SLCO2A1: variants seen among roughly 807,000 people sequenced by gnomAD.
SLCO2A1 encodes the protein matrin F/G 1.
SLCO2A1 carries 60 observed loss-of-function variants against 71.7 expected under a neutral mutation model. That is an observed-to-expected ratio of 0.84 (90% CI 0.68 to 1.04). The LOEUF (loss-of-function observed/expected upper bound fraction) is 1.04. Ranked by LOEUF, SLCO2A1 falls within the 50% of genes least tolerant of loss-of-function variation. SLCO2A1 has a pLI of 0.00. For synonymous variants in SLCO2A1, 308 were observed against 326.7 expected (o/e 0.94, Z 0.62); for missense variants, 745 against 813.4 (o/e 0.92, Z 1.02).
rs142480645 is a variant in SLCO2A1 at position 133,948,929 on chromosome 3, C to G, written c.904G>C (p.Ala302Pro). Residue 302 changes from alanine (A) to proline (P), a missense_variant, in exon 7 of 14, where the codon GCC becomes CCC. Ala to Pro is a conservative substitution (Grantham distance 27). Coordinates refer to ENST00000310926, the MANE Select transcript of SLCO2A1 (RefSeq NM_005630.3). ...TADEARKLEE[A>P]KSRGSLVDFI... is the part of the protein sequence containing the mutation. ...TCCACCAGGGAGCCTCTTGACTTGG[C>G]CTCCTCCAACTTCCTTGCTTCATCT... 2.3e-4 allele frequency: 371 copies of G among 1,614,168 alleles called. No homozygotes were observed. Among genetic ancestry groups the G allele is most frequent in the Middle Eastern group, 1.6e-3 (10 of 6,062 alleles).
At chr3:133,989,756 A>G (rs921910032) in intron 1 of SLCO2A1, among the ~76,000 whole-genome samples, 4 of 152,194 alleles carry the variant, frequency 2.6e-5, no homozygotes, top group Non-Finnish European at 4.4e-5. Flanking sequence ...ACATCCACAC[A>G]TCTCAAAATA....
intron 1 of SLCO2A1, among the ~76,000 whole-genome samples, chr3:134,005,748 T>C (rs1463141901): frequency 6.6e-6 from 1 of 152,188 alleles, no homozygotes; most frequent in Non-Finnish European, 1.5e-5. Flanking sequence ...CCCAAAGTGC[T>C]AGGATTACAG....
chr3:134,001,371 A>G (rs1935100489), intron 1 of SLCO2A1, among the ~76,000 whole-genome samples: 1 of 152,124 alleles, frequency 6.6e-6, no homozygotes, highest in South Asian at 2.1e-4. Context: ...TCAGCCTCCC[A>G]AAGTGCTGGG....
intron 3 of SLCO2A1, among the ~76,000 whole-genome samples, chr3:133,957,106 C>A (rs1055719528): frequency 6.6e-6 from 1 of 152,244 alleles, no homozygotes; most frequent in African/African-American, 2.4e-5. Flanking sequence ...AGGCTCTAGG[C>A]CTGCAACAGT....
At chr3:134,016,439 A>C (rs1935457457) in intron 1 of SLCO2A1, among the ~76,000 whole-genome samples, 1 of 152,210 alleles carries the variant, frequency 6.6e-6, no homozygotes, top group Non-Finnish European at 1.5e-5. Flanking sequence ...AAGATGTTCA[A>C]TATTACGAGC....
intron 1 of SLCO2A1, among the ~76,000 whole-genome samples, chr3:134,011,669 C>T (rs80300992): frequency 6.6e-6 from 1 of 152,194 alleles, no homozygotes; most frequent in Non-Finnish European, 1.5e-5. Context: ...GACCCGTTCC[C>T]ACTAGCACTG....
At chr3:133,979,082 C>T (rs1934524409) in intron 2 of SLCO2A1, among the ~76,000 whole-genome samples, 1 of 152,202 alleles carries the variant, frequency 6.6e-6, no homozygotes, top group African/African-American at 2.4e-5. Context: ...GCAGGGGCCC[C>T]ACAGGCTGGC....
chr3:133,995,554 C>T (rs1477017282), intron 1 of SLCO2A1, among the ~76,000 whole-genome samples: 2 of 152,324 alleles, frequency 1.3e-5, no homozygotes, highest in Non-Finnish European at 2.9e-5. Flanking sequence ...ATCCATCTTC[C>T]TGGTAGTAAA....
intron 1 of SLCO2A1, among the ~76,000 whole-genome samples, chr3:133,989,959 C>T (rs1188068444): frequency 6.6e-6 from 1 of 151,930 alleles, no homozygotes; most frequent in Non-Finnish European, 1.5e-5. Flanking sequence ...GGGCTTCCCT[C>T]CTGGGCACAA....
At chr3:134,003,896 A>G (rs1261327348) in intron 1 of SLCO2A1, among the ~76,000 whole-genome samples, 1 of 152,182 alleles carries the variant, frequency 6.6e-6, no homozygotes, top group African/African-American at 2.4e-5. Flanking sequence ...AGGCCTTTAA[A>G]GCAGAGGTTG....
intron 3 of SLCO2A1, among the ~76,000 whole-genome samples, chr3:133,967,933 C>G (rs1355151333): frequency 4.7e-5 from 5 of 107,526 alleles, no homozygotes; most frequent in Non-Finnish European, 7.8e-5. Flanking sequence ...CCATACCCCC[C>G]ACACATGTGA....
At chr3:133,944,985 G>GTA in intron 10 of SLCO2A1, 110 bp downstream of exon 10, 2 of 1,261,812 alleles carry the variant, frequency 1.6e-6, no homozygotes, top group East Asian at 4.7e-5. Context: ...TAATGAGTGT[G>GTA]TGTGTGGAGC....
rs750273545 is a variant in SLCO2A1, at chr3:133,979,542, G to A, written c.173C>T (p.Thr58Ile). The A allele has an allele frequency of 3.1e-6, 5 of 1,614,144 alleles. No homozygotes were observed. The East Asian group carries it at 6.7e-5, about 22-fold the overall frequency. ...GGAGAGCCCAAAGCGCTTCTCAATGGTGGTGAGGCTGCTCTTGAAGTAGGC... is the reference window on the plus strand; with the variant it reads ...GGAGAGCCCAAAGCGCTTCTCAATGATGGTGAGGCTGCTCTTGAAGTAGGC... Reference protein sequence around the residue: ...YSAYFKSSLTTIEKRFGLSSS... With the variant: ...YSAYFKSSLTIIEKRFGLSSS... Residue 58 changes from threonine to isoleucine, a missense_variant, in exon 2 of 14, where the codon ACC (threonine) becomes ATC (isoleucine). By Grantham distance (89) the Thr-to-Ile change is moderately conservative (BLOSUM62 -1). Transcript: ENST00000310926.
At chr3:133,957,429 A>G in intron 3 of SLCO2A1, among the ~76,000 whole-genome samples, 1 of 152,186 alleles carries the variant, frequency 6.6e-6, no homozygotes, top group Admixed American at 6.5e-5. Context: ...TACTGTGAGC[A>G]GGAGACTACA....
At chr3:134,025,396 T>C (rs1283185417) in intron 1 of SLCO2A1, among the ~76,000 whole-genome samples, 1 of 152,064 alleles carries the variant, frequency 6.6e-6, no homozygotes, top group Non-Finnish European at 1.5e-5. Context: ...TTTTTAAAAT[T>C]AGATTGAGGA....
At chr3:134,018,580 T>C (rs547060244) in intron 1 of SLCO2A1, among the ~76,000 whole-genome samples, 3 of 152,268 alleles carry the variant, frequency 2.0e-5, no homozygotes, top group South Asian at 4.2e-4. Flanking sequence ...CCCTCACTGA[T>C]TGGATATACA....
At chr3:133,959,919 G>C (rs972812206) in intron 3 of SLCO2A1, among the ~76,000 whole-genome samples, 2 of 151,886 alleles carry the variant, frequency 1.3e-5, no homozygotes, top group African/African-American at 4.8e-5. Flanking sequence ...AGGAGATCAA[G>C]ACCATCCTGG....
chr3:133,935,566 T>G (rs1328816894), intron 13 of SLCO2A1, among the ~76,000 whole-genome samples: 2 of 152,178 alleles, frequency 1.3e-5, no homozygotes, highest in African/African-American at 4.8e-5. Flanking sequence ...TTTCGGGTCA[T>G]GGAAGTCCCT....
In SLCO2A1 at chr3:133,945,144, T is replaced by C; in HGVS notation, c.1412A>G (p.His471Arg). ...CATGTTGATGTTGCTGCAGCCGGCA[T>C]GGCAAGGGGAGAGGTACTCGATTCC... ...DNGIEYLSPC[H>R]AGCSNINMSS... Residue 471 changes from histidine (H) to arginine (R), a missense_variant, in exon 10 of 14, where the codon CAT (histidine) becomes CGT (arginine). His to Arg is a conservative substitution (Grantham distance 29, BLOSUM62 0). Transcript: ENST00000310926. The C allele has an allele frequency of 6.2e-7, 1 of 1,614,038 alleles. No homozygotes were observed. The highest frequency in any genetic ancestry group is 8.5e-7 in the Non-Finnish European group (1 of 1,179,952).
Sources: allele counts gnomAD v4.1 joint callset (sites outside exome capture counted in the v4.1 genomes callset), GRCh38; gene constraint gnomAD v4.1.1; transcripts MANE v1.5; gene names NCBI Gene and HGNC (gene_info 2026-07-23, HGNC 2026-07-21).